Variants in UPRT observed in about 807,000 individuals in gnomAD.
UPRT encodes uracil phosphoribosyltransferase homolog.
In UPRT, 5 loss-of-function variants were observed where a neutral mutation model predicts 22.6. The observed-to-expected ratio is 0.22, with a 90% confidence interval of 0.12 to 0.47. The LOEUF (loss-of-function observed/expected upper bound fraction) is 0.47, where lower values mean the gene tolerates loss of function less well. Ranked by LOEUF, UPRT falls within the 20% of genes least tolerant of loss-of-function variation. The probability of loss-of-function intolerance (pLI) is 0.99; values close to 1 mark genes in which losing one functional copy is unlikely to be tolerated. For missense variants in UPRT, 181 were observed against 239.9 expected (o/e 0.75, Z 1.62); for synonymous variants, 77 against 87.7 (o/e 0.88, Z 0.68).
rs186036902 is a variant in UPRT at position 75,247,815 on chromosome X, G to T, written c.-446-43209G>T. ...GACCCCCGAGTAGCCTAACTAGGAG[G>T]CACCCCTCAGTATGGGCAGACTGAC... On this transcript the variant is annotated intron_variant, in intron 4 of 13. Transcript: ENST00000652605. 2.1e-3 allele frequency among the ~76,000 whole-genome samples: 235 copies of T among 112,072 alleles called. 1 individual carries two copies. The highest frequency in any genetic ancestry group is 6.9e-3 in the African/African-American group (212 of 30,835).
At chrX:75,229,904 G>A (rs372502066) in intron 4 of UPRT, among the ~76,000 whole-genome samples, 1 of 112,264 alleles carries the variant, frequency 8.9e-6, no homozygotes, top group East Asian at 2.8e-4. Context: ...AGGGAGAGGT[G>A]AACAGGAAGT....
At chrX:75,181,952 T>G (rs1358104647) in intron 4 of UPRT, among the ~76,000 whole-genome samples, 1 of 112,053 alleles carries the variant, frequency 8.9e-6, no homozygotes, top group Non-Finnish European at 1.9e-5. Context: ...TTCCAGCATT[T>G]GCTCATTCAG....
chrX:75,260,366 G>A (rs190825518), intron 4 of UPRT, among the ~76,000 whole-genome samples: 50 of 111,697 alleles, frequency 4.5e-4, no homozygotes, highest in African/African-American at 1.6e-3. Flanking sequence ...ACCATCTCAC[G>A]TGCAGACGCA....
Position 75,174,931 on chromosome X carries a change from T to A in UPRT, c.-447+7052T>A, listed in dbSNP as rs2082241993. 4.5e-5 allele frequency among the ~76,000 whole-genome samples: 5 copies of A among 111,263 alleles called. No individual in the cohort carries two copies. In the South Asian group the frequency reaches 1.9e-3, roughly 42 times the overall value. On this transcript the variant is annotated intron_variant, in intron 4 of 13. Transcript: ENST00000652605. ...TCTTTTTTGTCTCTTTCTCTCTTTTTAACTCTCTCTTTGACTTTCTGTGTC... is the reference window on the plus strand; with the variant it reads ...TCTTTTTTGTCTCTTTCTCTCTTTTAAACTCTCTCTTTGACTTTCTGTGTC...
chrX:75,196,429 T>C (rs1211188187), intron 4 of UPRT, among the ~76,000 whole-genome samples: 1 of 112,946 alleles, frequency 8.9e-6, no homozygotes, highest in Non-Finnish European at 1.9e-5. Context: ...AAAGCTCAAC[T>C]GTTATATCCC....
At chrX:75,211,630 T>C (rs1000694997) in intron 4 of UPRT, among the ~76,000 whole-genome samples, 3 of 110,260 alleles carry the variant, frequency 2.7e-5, no homozygotes, top group Non-Finnish European at 5.7e-5. Context: ...GATGAGAAAA[T>C]GAGGGAAGCA....
chrX:75,192,659 A>G (rs950465783), intron 4 of UPRT, among the ~76,000 whole-genome samples: 2 of 112,075 alleles, frequency 1.8e-5, no homozygotes, highest in Admixed American at 1.9e-4. Context: ...TTGGCTGTGT[A>G]TATATTTAGG....
chrX:75,208,932 A>G (rs746237912), intron 4 of UPRT, among the ~76,000 whole-genome samples: 1 of 111,858 alleles, frequency 8.9e-6, no homozygotes, highest in African/African-American at 3.2e-5. Flanking sequence ...AGAGGGAAGC[A>G]TCTGGGCTGC....
intron 4 of UPRT, among the ~76,000 whole-genome samples, chrX:75,225,365 A>ACC (rs1555969318): frequency 1.9e-5 from 2 of 106,516 alleles, no homozygotes; most frequent in Admixed American, 1.0e-4. Context: ...ACACACACAC[A>ACC]CCCTAGGTGG....
intron 4 of UPRT, among the ~76,000 whole-genome samples, chrX:75,242,006 G>A (rs1029381890): frequency 9.1e-6 from 1 of 110,152 alleles, no homozygotes; most frequent in Non-Finnish European, 1.9e-5. Flanking sequence ...CAAAATCTCA[G>A]AAATCATACC....
upstream of UPRT, among the ~76,000 whole-genome samples, chrX:75,272,321 C>CAT (rs1361614310): frequency 3.7e-4 from 7 of 19,053 alleles, no homozygotes; most frequent in East Asian, 0.016. Context: ...TGTATATATA[C>CAT]ATATATATGT....
rs755592115 is a variant in UPRT at position 75,170,063 on chromosome X, G to A, written c.-447+2184G>A. ...TTTTTTTTTTTTTTTTTGAGATGGA[G>A]TCTCAATCTGTCACCCAGGCTGGAG... On this transcript the variant is annotated intron_variant, in intron 4 of 13. Coordinates refer to the UPRT transcript ENST00000652605. Among the ~76,000 whole-genome samples, 48 of 88,878 alleles carry A rather than the reference G, an allele frequency of 5.4e-4. 1 individual carries two copies. Among genetic ancestry groups the A allele is most frequent in the African/African-American group, 2.0e-3 (48 of 23,792 alleles). The allele number at this position is 88,878 out of a possible 115,157, so 77.2% of individuals were successfully genotyped here. A position where few individuals can be genotyped will look rare whatever the true frequency, so the allele number is the denominator to read the frequency against.
chrX:75,183,348 G>T (rs1429233479), intron 4 of UPRT, among the ~76,000 whole-genome samples: 1 of 111,492 alleles, frequency 9.0e-6, no homozygotes, highest in Non-Finnish European at 1.9e-5. Context: ...CAAAGGACAT[G>T]AACTCATCCT....
intron 4 of UPRT, among the ~76,000 whole-genome samples, chrX:75,229,893 T>G (rs987482615): frequency 1.8e-5 from 2 of 111,841 alleles, no homozygotes; most frequent in Admixed American, 1.9e-4. Flanking sequence ...AATCCAGGGT[T>G]AGGGAGAGGT....
chrX:75,216,765 C>CT (rs906650841), intron 4 of UPRT, among the ~76,000 whole-genome samples: 3 of 111,762 alleles, frequency 2.7e-5, no homozygotes, highest in African/African-American at 9.7e-5. Context: ...TAATTTTTTT[C>CT]TTTTTTTGAG....
chrX:75,175,115 T>C (rs1476965505), intron 4 of UPRT, among the ~76,000 whole-genome samples: 5 of 111,122 alleles, frequency 4.5e-5, no homozygotes, highest in Non-Finnish European at 9.4e-5. Context: ...TATGGCTTTG[T>C]CAGTGTACGA....
intron 4 of UPRT, among the ~76,000 whole-genome samples, chrX:75,178,299 A>G (rs1438817667): frequency 8.9e-6 from 1 of 112,042 alleles, no homozygotes; most frequent in African/African-American, 3.2e-5. Context: ...TTCTAAGGAA[A>G]GATAGGACAG....
chrX:75,205,410 AAAAGAG>A (rs2082362703), intron 4 of UPRT, among the ~76,000 whole-genome samples: 1 of 108,809 alleles, frequency 9.2e-6, no homozygotes, highest in African/African-American at 3.3e-5. Flanking sequence ...AAAAAAAAAA[AAAAGAG>A]AAGATTTGAA....
At chrX:75,284,352 T>G (rs1415433848) in intron 1 of UPRT, among the ~76,000 whole-genome samples, 2 of 111,333 alleles carry the variant, frequency 1.8e-5, no homozygotes, top group Non-Finnish European at 3.8e-5. Flanking sequence ...GTGTGATTTT[T>G]GGGGGCTGTT....
Sources: gnomAD v4.1 joint callset for allele counts (sites outside exome capture counted in the v4.1 genomes callset) on GRCh38, gnomAD v4.1.1 for gene constraint, MANE v1.5 for transcripts, NCBI Gene and HGNC (gene_info 2026-07-23, HGNC 2026-07-21) for gene names.